Variants in GTPBP6 observed in about 807,000 individuals in gnomAD.
GTPBP6 encodes putative GTP-binding protein 6.
Under a neutral mutation model 28.9 loss-of-function variants are expected in GTPBP6, and 33 were observed. That is an observed-to-expected ratio of 1.14 (90% CI 0.87 to 1.53). The LOEUF is 1.53. Among genes scored for constraint, GTPBP6 ranks in the 40% most tolerant of loss-of-function variants. The pLI, the probability that GTPBP6 is intolerant of heterozygous loss-of-function variation, is 0.00. For synonymous variants in GTPBP6, 231 were observed against 192.7 expected, an observed-to-expected ratio of 1.20 and a Z score of -1.65; for missense variants, 507 against 408.3, an observed-to-expected ratio of 1.24 and a Z score of -2.08.
chrX:312,050 G>C (rs1173222320), intron 6 of GTPBP6: 2 of 457,614 alleles, frequency 4.4e-6, no homozygotes, highest in Non-Finnish European at 8.5e-6. Flanking sequence ...TGCCGGTGTT[G>C]ACAGAAGGAT....
At chrX:317,126 C>T (rs1482106775) in intron 1 of GTPBP6, 75 bp from the exon 2 acceptor site, 2 of 398,230 alleles carry the variant, frequency 5.0e-6, no homozygotes, top group East Asian at 3.6e-5. Context: ...GGGGAGGCCT[C>T]CTCCTGCCCT....
intron 2 of GTPBP6, 92 bp from the exon 3 acceptor site, chrX:315,391 G>A (rs1248456662): frequency 0.28 from 109,747 of 398,246 alleles, 16,672 homozygotes; most frequent in South Asian, 0.47. Flanking sequence ...GATGCACCGC[G>A]GAGAGCTCAC....
chrX:316,999 C>T lies in GTPBP6; in HGVS notation c.402G>A (p.Trp134Ter). Residue 134 changes from tryptophan to a stop codon, truncating the protein, a stop_gained, in exon 2 of 10, where the codon TGG (tryptophan) becomes TGA (stop). Coordinates refer to ENST00000326153, the Ensembl canonical transcript of GTPBP6. LOFTEE classifies it high-confidence loss of function. ...ACACGACCATTGTCTGCACCACGGA[C>T]CAGCCGTCCAGCGTGTGCACCAGCG... 1 of 398,592 alleles carries T rather than the reference C, an allele frequency of 2.5e-6. No homozygotes were observed. The highest frequency in any genetic ancestry group is 4.4e-6 in the Non-Finnish European group (1 of 226,080). 24.7% of individuals were successfully genotyped at this position (398,592 alleles called of 1,614,324 possible).
At chrX:305,038 G>C (rs9551) in exon 10 of GTPBP6, 11 of 1,606,230 alleles carry the variant, frequency 6.8e-6, no homozygotes, top group Non-Finnish European at 7.6e-6. Context: ...CCCAGGCAGC[G>C]ATGCCCCCAC....
At chrX:312,685 G>A (rs757241147) in intron 6 of GTPBP6, 81 bp downstream of exon 6, 1 of 1,414,096 alleles carries the variant, frequency 7.1e-7, no homozygotes, top group Non-Finnish European at 9.8e-7. Context: ...GAGACGACAG[G>A]GACCCCCTGC....
Position 314,220 on chromosome X carries a change from G to C in GTPBP6, c.690-3C>G. 1 of 1,612,740 alleles carries C rather than the reference G, an allele frequency of 6.2e-7. No homozygotes were observed. The highest frequency in any genetic ancestry group is 8.5e-7 in the Non-Finnish European group (1 of 1,178,816). ...CGACGTCCCTTTTCAAGTTCGACCTGGTGTGGGAACGGGAGTGGCTCGGTC... is the reference window on the plus strand; with the variant it reads ...CGACGTCCCTTTTCAAGTTCGACCTCGTGTGGGAACGGGAGTGGCTCGGTC... On this transcript the variant is annotated splice_polypyrimidine_tract_variant and splice_region_variant and intron_variant, in intron 4 of 9. Transcript: ENST00000326153.
rs146518472 is a variant in GTPBP6 at position 313,803 on chromosome X, C to T, written c.757+347G>A. ...AGGCAGAAGGAGCCCCTGGAGGGAG[C>T]GCAGCCCTGTCCTCACCTTGATCTC... On this transcript the variant is annotated intron_variant, in intron 5 of 9. Transcript: ENST00000326153. Among the ~76,000 whole-genome samples the T allele has an allele frequency of 1.2e-4, 18 of 152,258 alleles. No homozygotes were observed. In the South Asian group the frequency reaches 1.2e-3, roughly 11 times the overall value.
chrX:311,240 T>C (rs28735494), intron 7 of GTPBP6, among the ~76,000 whole-genome samples, 179 bp downstream of exon 7: 55,790 of 135,376 alleles, frequency 0.41, 12,051 homozygotes, highest in South Asian at 0.56. Context: ...GAGTGCCTGG[T>C]CCCCGTGCCC....
At chrX:308,964 A>AT (rs1396220504) in intron 7 of GTPBP6, among the ~76,000 whole-genome samples, 1 of 151,884 alleles carries the variant, frequency 6.6e-6, no homozygotes, top group Middle Eastern at 3.2e-3. Context: ...ACCTGAAGTG[A>AT]TCCACCCGCC....
chrX:311,201 G>GGGTGTCCGAA, intron 7 of GTPBP6, among the ~76,000 whole-genome samples: 1 of 141,898 alleles, frequency 7.0e-6, no homozygotes, highest in African/African-American at 2.8e-5. Flanking sequence ...GGGTGTCTGA[G>GGGTGTCCGAA]GGCCCGGCCC....
At chrX:308,020 C>T (rs1480075805) in intron 7 of GTPBP6, 140 bp from the exon 8 acceptor site, 5 of 697,022 alleles carry the variant, frequency 7.2e-6, no homozygotes, top group African/African-American at 3.7e-5. Flanking sequence ...GCAGGCCCCT[C>T]GGACACCCCA....
chrX:316,379 C>A (rs2070441480), intron 2 of GTPBP6, among the ~76,000 whole-genome samples: 2 of 141,454 alleles, frequency 1.4e-5, no homozygotes, highest in Admixed American at 1.4e-4. Flanking sequence ...TGAACACATC[C>A]CAGCAGGGGT....
At chrX:311,251 AGTGGGTGTCCGAGGGCCTG>A (rs2070284357) in intron 7 of GTPBP6, among the ~76,000 whole-genome samples, 149 bp downstream of exon 7, 1 of 75,656 alleles carries the variant, frequency 1.3e-5, no homozygotes, top group African/African-American at 4.6e-5. Context: ...CCCCGTGCCC[AGTGGGTGTCCGAGGGCCTG>A]GCCCCTGGGC....
chrX:311,980 GGATGGTGTAGACACAGGGGAGGT>G (rs1696606844), intron 6 of GTPBP6: 4 of 544,032 alleles, frequency 7.4e-6, no homozygotes, highest in Non-Finnish European at 6.8e-6. Context: ...GTGGATGGGA[GGATGGTGTAGACACAGGGGAGGT>G]GATGGTGTAG....
At position 312,450 on chromosome X, in the gene GTPBP6, A is replaced by G. The variant is rs776564718; in HGVS notation, c.916+316T>C. On this transcript the variant is annotated intron_variant, in intron 6 of 9. Coordinates refer to ENST00000326153, the Ensembl canonical transcript of GTPBP6. Reference sequence around the variant, plus strand: ...CAGTGGGGATGGTCTAGACAGGAGGATGGTGTAGATGGAGGGGAGATTGTG... The same window carrying G: ...CAGTGGGGATGGTCTAGACAGGAGGGTGGTGTAGATGGAGGGGAGATTGTG... 7 of 573,238 alleles carry G rather than the reference A, an allele frequency of 1.2e-5. No individual in the cohort carries two copies. The African/African-American group carries it at 1.3e-4, about 11-fold the overall frequency. The allele number at this position is 573,238 out of a possible 1,614,324, so 35.5% of individuals were successfully genotyped here. A position where few individuals can be genotyped will look rare whatever the true frequency, so the allele number is the denominator to read the frequency against.
rs1289141867 is a variant in GTPBP6, at chrX:307,714, C to T, written c.1274+18G>A. 1.4e-6 allele frequency: 2 copies of T among 1,464,982 alleles called. No individual in the cohort carries two copies. The highest frequency in any genetic ancestry group is 1.8e-6 in the Non-Finnish European group (2 of 1,106,696). The allele number at this position is 1,464,982 out of a possible 1,614,324, so 90.7% of individuals were successfully genotyped here. A position where few individuals can be genotyped will look rare whatever the true frequency, so the allele number is the denominator to read the frequency against. Reference sequence around the variant, plus strand: ...TGCAGGGGAAGGAGACGCTTGCGGACCCCAGGGCCGGACTCACCCGGGCAC... The same window carrying T: ...TGCAGGGGAAGGAGACGCTTGCGGATCCCAGGGCCGGACTCACCCGGGCAC... On this transcript the variant is annotated intron_variant, in intron 8 of 9. Transcript: ENST00000326153.
intron 2 of GTPBP6, among the ~76,000 whole-genome samples, chrX:316,517 T>C (rs1174773990): frequency 6.6e-6 from 1 of 152,090 alleles, no homozygotes; most frequent in African/African-American, 2.4e-5. Context: ...GTCAGAAACC[T>C]GGGAAGCGCA....
chrX:318,743 G>A (rs1297456370), exon 1 of GTPBP6: 53 of 333,130 alleles, frequency 1.6e-4, no homozygotes, highest in Non-Finnish European at 2.6e-4. Context: ...GGCCCACGCG[G>A]GAGAGCCGCA....
At chrX:308,139 G>A (rs1318283941) in intron 7 of GTPBP6, among the ~76,000 whole-genome samples, 1 of 151,464 alleles carries the variant, frequency 6.6e-6, no homozygotes, top group East Asian at 1.9e-4. Flanking sequence ...CACGCAAGGG[G>A]GTGCCATATA....
Sources: gnomAD v4.1 joint callset for allele counts (sites outside exome capture counted in the v4.1 genomes callset) on GRCh38, gnomAD v4.1.1 for gene constraint, MANE v1.5 for transcripts, NCBI Gene and HGNC (gene_info 2026-07-23, HGNC 2026-07-21) for gene names.